The following COX5A variants were observed in gnomAD, a reference collection of about 807,000 sequenced individuals.
The protein encoded by COX5A is cytochrome c oxidase subunit 5A, mitochondrial.
Under a neutral mutation model 16.1 loss-of-function variants are expected in COX5A, and 6 were observed. That is an observed-to-expected ratio of 0.37 (90% CI 0.20 to 0.73). The LOEUF (loss-of-function observed/expected upper bound fraction) is 0.73. Among genes scored for constraint, COX5A ranks in the 30% least tolerant of loss-of-function variants. COX5A has a pLI of 0.50. For synonymous variants in COX5A, 73 were observed against 73.8 expected (o/e 0.99, Z 0.06); for missense variants, 159 against 194.9 (o/e 0.82, Z 1.10).
chr15:74,926,259 T>G (rs773181059), intron 3 of COX5A, among the ~76,000 whole-genome samples: 2 of 150,960 alleles, frequency 1.3e-5, no homozygotes, highest in African/African-American at 2.4e-5. Flanking sequence ...CCAGGATGGT[T>G]TCGATCTCCT....
intron 1 of COX5A, among the ~76,000 whole-genome samples, chr15:74,935,606 A>T (rs2065385804): frequency 6.6e-6 from 1 of 151,400 alleles, no homozygotes; most frequent in African/African-American, 2.4e-5. Flanking sequence ...CACCAAAAAA[A>T]AAAAATAAAT....
chr15:74,922,000 C>T (rs1384856400), intron 4 of COX5A, among the ~76,000 whole-genome samples: 3 of 151,998 alleles, frequency 2.0e-5, no homozygotes, highest in Non-Finnish European at 4.4e-5. Context: ...ACAGCCTGGG[C>T]AACATAGTGA....
At chr15:74,934,610 C>T (rs925119445) in intron 1 of COX5A, among the ~76,000 whole-genome samples, 4 of 152,180 alleles carry the variant, frequency 2.6e-5, no homozygotes, top group Admixed American at 6.5e-5. Context: ...GGATTACAGG[C>T]GTGAGCCACC....
At chr15:74,930,286 C>T (rs1011504274) in intron 1 of COX5A, among the ~76,000 whole-genome samples, 16 of 151,350 alleles carry the variant, frequency 1.1e-4, no homozygotes, top group Non-Finnish European at 1.8e-4. Flanking sequence ...GGTGTGGTGG[C>T]GCGTGCCTGT....
intron 4 of COX5A, among the ~76,000 whole-genome samples, chr15:74,922,992 G>A (rs2065328538): frequency 6.6e-6 from 1 of 152,084 alleles, no homozygotes; most frequent in Admixed American, 6.6e-5. Flanking sequence ...AGCAAATGTG[G>A]CAACAATAAA....
chr15:74,920,705 C>T (rs1282906049), intron 4 of COX5A, among the ~76,000 whole-genome samples: 3 of 152,132 alleles, frequency 2.0e-5, no homozygotes, highest in African/African-American at 7.2e-5. Flanking sequence ...GGGCCGGACA[C>T]GGTGACTCAT....
intron 1 of COX5A, among the ~76,000 whole-genome samples, chr15:74,930,669 T>C (rs1305129603): frequency 2.7e-5 from 4 of 146,834 alleles, no homozygotes; most frequent in Non-Finnish European, 4.5e-5. Context: ...CCACCAGCCC[T>C]GGCACCATTC....
At chr15:74,932,949 G>A (rs2065373541) in intron 1 of COX5A, among the ~76,000 whole-genome samples, 1 of 151,332 alleles carries the variant, frequency 6.6e-6, no homozygotes, top group Admixed American at 6.6e-5. Flanking sequence ...GCCTGCCTCG[G>A]CCTCCCAAAG....
chr15:74,922,856 A>G (rs982003660), intron 4 of COX5A, among the ~76,000 whole-genome samples: 1 of 151,684 alleles, frequency 6.6e-6, no homozygotes, highest in African/African-American at 2.4e-5. Context: ...AGTAGAGACA[A>G]GGTTTCACCA....
intron 1 of COX5A, among the ~76,000 whole-genome samples, chr15:74,929,984 C>A (rs908081681): frequency 3.9e-5 from 6 of 151,932 alleles, no homozygotes; most frequent in Non-Finnish European, 7.4e-5. Context: ...GAGGCTGAGG[C>A]AGGAGAATGG....
chr15:74,936,641 T>C (rs2065391404), intron 1 of COX5A, among the ~76,000 whole-genome samples: 1 of 149,546 alleles, frequency 6.7e-6, no homozygotes, highest in South Asian at 2.1e-4. Flanking sequence ...TTTTTTTTTT[T>C]TTTGAGACGG....
intron 1 of COX5A, among the ~76,000 whole-genome samples, chr15:74,929,682 C>T (rs1164842168): frequency 6.6e-6 from 1 of 152,042 alleles, no homozygotes; most frequent in South Asian, 2.1e-4. Context: ...GAAGATTACC[C>T]GAGCCCAGGA....
At chr15:74,925,205 C>G (rs918365778) in intron 3 of COX5A, among the ~76,000 whole-genome samples, 2 of 151,506 alleles carry the variant, frequency 1.3e-5, no homozygotes, top group African/African-American at 4.9e-5. Flanking sequence ...GAGGCTGAGG[C>G]AGAAGAATTG....
At chr15:74,936,278 A>T (rs995980467) in intron 1 of COX5A, among the ~76,000 whole-genome samples, 2 of 151,506 alleles carry the variant, frequency 1.3e-5, no homozygotes, top group African/African-American at 4.8e-5. Context: ...AGAAAAAACA[A>T]AACAAAACAA....
chr15:74,931,420 G>A (rs1238499399), intron 1 of COX5A, among the ~76,000 whole-genome samples: 2 of 151,990 alleles, frequency 1.3e-5, no homozygotes, highest in African/African-American at 2.4e-5. Context: ...AGAATCACTC[G>A]AACCCAGGAG....
intron 1 of COX5A, 84 bp downstream of exon 1, chr15:74,937,831 G>T: frequency 1.2e-6 from 1 of 867,768 alleles, no homozygotes; most frequent in Non-Finnish European, 1.5e-6. Context: ...GCTAGGCCGG[G>T]GAGAGCCCGC....
chr15:74,932,264 C>T (rs1369954222), intron 1 of COX5A, among the ~76,000 whole-genome samples: 3 of 152,172 alleles, frequency 2.0e-5, no homozygotes, highest in Admixed American at 6.6e-5. Flanking sequence ...ACATTTCCTA[C>T]TACCTGTATT....
chr15:74,926,559 A>G (rs1386125251), intron 3 of COX5A, among the ~76,000 whole-genome samples: 1 of 152,198 alleles, frequency 6.6e-6, no homozygotes, highest in Non-Finnish European at 1.5e-5. Flanking sequence ...TTGCTGAACA[A>G]AAGTGTATCA....
At chr15:74,921,566 C>G (rs1236195960) in intron 4 of COX5A, among the ~76,000 whole-genome samples, 4 of 151,550 alleles carry the variant, frequency 2.6e-5, no homozygotes, top group Non-Finnish European at 5.9e-5. Context: ...CCGGTCTCTA[C>G]TAAAAATACA....
Sources: allele counts gnomAD v4.1 joint callset (sites outside exome capture counted in the v4.1 genomes callset), GRCh38; gene constraint gnomAD v4.1.1; transcripts MANE v1.5; gene names NCBI Gene and HGNC (gene_info 2026-07-23, HGNC 2026-07-21).